RUNX1T1: variants seen among roughly 807,000 people sequenced by gnomAD.
The protein encoded by RUNX1T1 is protein CBFA2T1.
RUNX1T1 carries 4 observed loss-of-function variants against 62.8 expected under a neutral mutation model. That is an observed-to-expected ratio of 0.06 (90% confidence interval 0.03 to 0.15). The LOEUF (loss-of-function observed/expected upper bound fraction) is 0.15. RUNX1T1 is among the 10% of genes least tolerant of loss of function. The pLI, the probability that RUNX1T1 is intolerant of heterozygous loss-of-function variation, is 1.00. For missense variants in RUNX1T1, 508 were observed against 754.3 expected (o/e 0.67, Z 3.82); for synonymous variants, 291 against 286.0 (o/e 1.02, Z -0.18).
intron 8 of RUNX1T1, among the ~76,000 whole-genome samples, chr8:91,984,959 C>T (rs905766048): frequency 3.3e-5 from 5 of 152,230 alleles, no homozygotes; most frequent in Admixed American, 6.5e-5. Flanking sequence ...AATAGGCATT[C>T]GGCATTCAGA....
intron 1 of RUNX1T1, among the ~76,000 whole-genome samples, chr8:92,045,595 A>G (rs13259499): frequency 0.18 from 26,752 of 152,122 alleles, 2,546 homozygotes; most frequent in Non-Finnish European, 0.22. Flanking sequence ...ATGAATTTCA[A>G]TCATGGACTT....
intron 1 of RUNX1T1, among the ~76,000 whole-genome samples, chr8:92,099,268 G>T (rs1180975968): frequency 2.0e-5 from 3 of 152,056 alleles, no homozygotes; most frequent in Non-Finnish European, 4.4e-5. Flanking sequence ...ATTTTCAAAG[G>T]ATATGTTAAC....
intron 4 of RUNX1T1, chr8:92,010,655 T>C (rs1563748490): frequency 1.2e-5 from 2 of 167,730 alleles, no homozygotes; most frequent in African/African-American, 2.4e-5. Context: ...ATTAGGAGGA[T>C]AAAAAAATCC....
At position 91,963,823 on chromosome 8, in the gene RUNX1T1, T is replaced by C. The variant is rs552199349; in HGVS notation, c.1459-3306A>G. Among the ~76,000 whole-genome samples the C allele has an allele frequency of 4.6e-5, 7 of 152,362 alleles. No individual in the cohort carries two copies. The South Asian group carries it at 1.4e-3, about 32-fold the overall frequency. On this transcript the variant is annotated intron_variant, in intron 10 of 10. Coordinates refer to ENST00000396218, the Ensembl canonical transcript of RUNX1T1. ...TCCTGATAATTGTTTTATTTATTTA[T>C]TTTTAAATGACTGAGCTTCCCTTTC...
At chr8:92,084,416 C>A (rs58705927) in intron 1 of RUNX1T1, among the ~76,000 whole-genome samples, 2 of 151,736 alleles carry the variant, frequency 1.3e-5, no homozygotes, top group Non-Finnish European at 2.9e-5. Context: ...GCAATGAAAG[C>A]GACCAAGGTG....
chr8:91,988,997 C>T (rs894741870), intron 6 of RUNX1T1, among the ~76,000 whole-genome samples: 2 of 152,044 alleles, frequency 1.3e-5, no homozygotes, highest in Admixed American at 6.5e-5. Flanking sequence ...TATTTATAGT[C>T]ATAATACCAG....
At chr8:91,999,496 T>C (rs1226273388) in intron 5 of RUNX1T1, among the ~76,000 whole-genome samples, 1 of 152,142 alleles carries the variant, frequency 6.6e-6, no homozygotes, top group Non-Finnish European at 1.5e-5. Flanking sequence ...ATCAAAGCAT[T>C]TTGTTTTCAA....
At chr8:92,071,560 A>G (rs1156724411) in intron 2 of RUNX1T1, among the ~76,000 whole-genome samples, 1 of 152,042 alleles carries the variant, frequency 6.6e-6, no homozygotes, top group Admixed American at 6.5e-5. Context: ...CAGGGGACAC[A>G]GCATTGGCAG....
chr8:92,097,189 C>T (rs761452435), intron 1 of RUNX1T1, among the ~76,000 whole-genome samples: 12 of 152,048 alleles, frequency 7.9e-5, no homozygotes, highest in East Asian at 1.9e-4. Context: ...ATCACTGAGA[C>T]GAGAACAAGG....
chr8:92,003,398 T>C (rs1400820035), intron 5 of RUNX1T1: 4 of 455,982 alleles, frequency 8.8e-6, no homozygotes, highest in Non-Finnish European at 1.8e-5. Context: ...TACAGAGAAA[T>C]GAATGAAACA....
At chr8:92,026,888 C>A (rs1191655238) in intron 1 of RUNX1T1, among the ~76,000 whole-genome samples, 1 of 151,314 alleles carries the variant, frequency 6.6e-6, no homozygotes, top group Non-Finnish European at 1.5e-5. Flanking sequence ...GAGGCCGAGA[C>A]GGGCGGATCA....
At chr8:91,960,048 A>G (rs1810086706) in exon 11 of RUNX1T1, 4 of 609,668 alleles carry the variant, frequency 6.6e-6, no homozygotes, top group Admixed American at 5.9e-5. Flanking sequence ...ATAAGTCATT[A>G]CGACCCGTTA....
chr8:92,040,590 C>A (rs1052139676), intron 1 of RUNX1T1, among the ~76,000 whole-genome samples: 1 of 152,196 alleles, frequency 6.6e-6, no homozygotes, highest in African/African-American at 2.4e-5. Flanking sequence ...TGCACCAGAA[C>A]CTTCCCTGAA....
chr8:92,080,687 T>C (rs1835115150), intron 1 of RUNX1T1, among the ~76,000 whole-genome samples: 1 of 152,224 alleles, frequency 6.6e-6, no homozygotes, highest in Non-Finnish European at 1.5e-5. Flanking sequence ...CATGGCCATG[T>C]TTATTCAACA....
intron 8 of RUNX1T1, among the ~76,000 whole-genome samples, chr8:91,982,359 G>T (rs2130784440): frequency 6.6e-6 from 1 of 152,026 alleles, no homozygotes; most frequent in Non-Finnish European, 1.5e-5. Context: ...CCAGTAAAAA[G>T]GAAAGTAGTT....
In RUNX1T1 at chr8:92,007,846, A is replaced by G. The variant is rs1182549970; in HGVS notation, c.478-2549T>C. 4.6e-5 allele frequency among the ~76,000 whole-genome samples: 7 copies of G among 152,070 alleles called. No individual in the cohort carries two copies. In the East Asian group the frequency reaches 9.8e-4, roughly 21 times the overall value. On this transcript the variant is annotated intron_variant, in intron 4 of 10. Coordinates refer to ENST00000396218, the Ensembl canonical transcript of RUNX1T1. The stretch of plus-strand genomic sequence containing the variant: ...CGGTTGGATGCAGTGGCCCATGCCT[A>G]TAGTCCCTGCTATTGGGAGGCTAAA...
rs143855049 is a variant in RUNX1T1 at position 92,025,175 on chromosome 8, G to A, written c.8-7812C>T. ...CAAGTCATTGAATGGACTCCCACCC[G>A]TCTCTGATACATTCTCCAAACCACA... On this transcript the variant is annotated intron_variant, in intron 1 of 10. Transcript: ENST00000396218. 7.3e-3 allele frequency among the ~76,000 whole-genome samples: 1,104 copies of A among 152,208 alleles called. 7 individuals carry two copies. Among genetic ancestry groups the A allele is most frequent in the Non-Finnish European group, 0.013 (879 of 68,012 alleles).
At chr8:92,014,920 A>G (rs1488246061) in intron 2 of RUNX1T1, 100 bp from the exon 4 acceptor site, 3 of 1,221,528 alleles carry the variant, frequency 2.5e-6, no homozygotes, top group Non-Finnish European at 3.4e-6. Context: ...TACTAGTTTT[A>G]TAAGTTTTTA....
At chr8:92,016,032 C>T (rs1822925112) in intron 2 of RUNX1T1, among the ~76,000 whole-genome samples, 4 of 152,290 alleles carry the variant, frequency 2.6e-5, no homozygotes, top group South Asian at 2.1e-4. Flanking sequence ...GCCTGAGATG[C>T]GTACTTTGCT....
Sources: allele counts gnomAD v4.1 joint callset (sites outside exome capture counted in the v4.1 genomes callset), GRCh38; gene constraint gnomAD v4.1.1; transcripts MANE v1.5; gene names NCBI Gene and HGNC (gene_info 2026-07-23, HGNC 2026-07-21).